Variants in LRRC4C observed in about 807,000 individuals in gnomAD.
LRRC4C encodes leucine rich repeat containing 4C, also known as leucine-rich repeat-containing protein 4C.
LRRC4C carries 5 observed loss-of-function variants against 33.6 expected under a neutral mutation model. The ratio of observed to expected loss-of-function variants is 0.15; its 90% confidence interval spans 0.08 to 0.31. The LOEUF is 0.31. LRRC4C is among the 10% of genes least tolerant of loss of function. The pLI, the probability that LRRC4C is intolerant of heterozygous loss-of-function variation, is 1.00. For missense variants in LRRC4C, 560 were observed against 796.7 expected, an observed-to-expected ratio of 0.70 and a Z score of 3.58; for synonymous variants, 329 against 302.0, an observed-to-expected ratio of 1.09 and a Z score of -0.93.
chr11:41,047,839 C>T (rs1026193332), intron 1 of LRRC4C, among the ~76,000 whole-genome samples: 2 of 152,148 alleles, frequency 1.3e-5, no homozygotes, highest in Admixed American at 6.6e-5. Context: ...TATACTTTCT[C>T]ATGGTGTCCC....
intron 3 of LRRC4C, among the ~76,000 whole-genome samples, chr11:40,624,153 C>T (rs1211751082): frequency 6.6e-6 from 1 of 151,928 alleles, no homozygotes; most frequent in East Asian, 1.9e-4. Flanking sequence ...GTGTGTTCCA[C>T]CCTTGAGCAA....
rs186991485 is a variant in LRRC4C, at chr11:41,381,105, C to T, written c.-496+78326G>A. The stretch of plus-strand genomic sequence containing the variant: ...AAACATCCCTGGGCATATAGAGAAG[C>T]GAGCACATAGGATTTTTGTTTGGAG... On this transcript the variant is annotated intron_variant, in intron 1 of 6. Transcript: ENST00000528697. Among the ~76,000 whole-genome samples the T allele has an allele frequency of 5.9e-5, 9 of 152,150 alleles. No homozygotes were observed. The East Asian group carries it at 9.7e-4, about 16-fold the overall frequency.
At chr11:40,639,508 A>G (rs750960620) in intron 3 of LRRC4C, among the ~76,000 whole-genome samples, 1 of 152,172 alleles carries the variant, frequency 6.6e-6, no homozygotes, top group African/African-American at 2.4e-5. Flanking sequence ...CTACCTTGTT[A>G]TTTTCAAGTA....
chr11:41,003,203 T>C (rs755673389), intron 1 of LRRC4C, among the ~76,000 whole-genome samples: 3 of 152,156 alleles, frequency 2.0e-5, no homozygotes, highest in Non-Finnish European at 2.9e-5. Context: ...AAAAATGTTT[T>C]CTTGATATTT....
chr11:41,206,265 T>C (rs1472646451), intron 1 of LRRC4C, among the ~76,000 whole-genome samples: 1 of 152,178 alleles, frequency 6.6e-6, no homozygotes, highest in Non-Finnish European at 1.5e-5. Flanking sequence ...AGGAGACAGA[T>C]TGAAATGCCA....
chr11:40,907,203 G>A (rs1956461927), intron 2 of LRRC4C, among the ~76,000 whole-genome samples: 2 of 152,222 alleles, frequency 1.3e-5, no homozygotes, highest in African/African-American at 4.8e-5. Context: ...CTGAGATGTA[G>A]AATGTCTTTC....
intron 1 of LRRC4C, among the ~76,000 whole-genome samples, chr11:41,254,155 G>GT (rs1320617693): frequency 1.3e-5 from 2 of 151,970 alleles, no homozygotes; most frequent in African/African-American, 4.8e-5. Context: ...ATTTTATGCA[G>GT]TTGACAGCAA....
chr11:41,103,640 T>C (rs1941330353), intron 1 of LRRC4C, among the ~76,000 whole-genome samples: 1 of 151,898 alleles, frequency 6.6e-6, no homozygotes. Context: ...GCCCAAGGGA[T>C]AGGCAATGCT....
chr11:41,260,137 A>T (rs966019857), intron 1 of LRRC4C, among the ~76,000 whole-genome samples: 12 of 152,154 alleles, frequency 7.9e-5, no homozygotes, highest in Non-Finnish European at 1.3e-4. Flanking sequence ...TTCACATAGT[A>T]GTCTGTCGTC....
chr11:40,966,005 G>T (rs2136932404), intron 1 of LRRC4C, among the ~76,000 whole-genome samples: 1 of 152,150 alleles, frequency 6.6e-6, no homozygotes, highest in South Asian at 2.1e-4. Context: ...CCATGAGCAT[G>T]GAATGTTCTT....
chr11:41,063,585 T>C (rs1466020661), intron 1 of LRRC4C, among the ~76,000 whole-genome samples: 2 of 152,010 alleles, frequency 1.3e-5, no homozygotes, highest in East Asian at 3.9e-4. Context: ...GTGTTTCAAA[T>C]AGAGGGGGCA....
chr11:40,352,803 G>T (rs1947473111), intron 3 of LRRC4C, among the ~76,000 whole-genome samples: 2 of 152,008 alleles, frequency 1.3e-5, no homozygotes, highest in African/African-American at 2.4e-5. Flanking sequence ...GTTTGCCTGA[G>T]AAAATATAGC....
At chr11:40,216,366 C>T (rs146098347) in intron 5 of LRRC4C, among the ~76,000 whole-genome samples, 3 of 152,212 alleles carry the variant, frequency 2.0e-5, no homozygotes, top group East Asian at 1.9e-4. Context: ...AATACTTGTA[C>T]GTAACCAAGA....
intron 1 of LRRC4C, among the ~76,000 whole-genome samples, chr11:41,426,827 C>A (rs142585714): frequency 6.6e-6 from 1 of 152,140 alleles, no homozygotes; most frequent in Non-Finnish European, 1.5e-5. Flanking sequence ...GAACACTCAG[C>A]ATAGCTTGTT....
intron 3 of LRRC4C, among the ~76,000 whole-genome samples, chr11:40,531,870 G>C (rs530182650): frequency 2.6e-5 from 4 of 151,412 alleles, no homozygotes; most frequent in Admixed American, 1.3e-4. Flanking sequence ...TTTGGGCTGA[G>C]ATCATGAAAG....
intron 1 of LRRC4C, among the ~76,000 whole-genome samples, chr11:41,042,572 A>G (rs1039098115): frequency 6.6e-6 from 1 of 152,074 alleles, no homozygotes; most frequent in African/African-American, 2.4e-5. Context: ...CCACCTCCCT[A>G]AAGCTCTCTT....
At chr11:40,926,601 A>G (rs1232023006) in intron 2 of LRRC4C, among the ~76,000 whole-genome samples, 1 of 152,194 alleles carries the variant, frequency 6.6e-6, no homozygotes, top group East Asian at 1.9e-4. Flanking sequence ...TAAAATAGAA[A>G]AGGGTATTCA....
chr11:40,665,364 G>GTA (rs1189493857), intron 2 of LRRC4C, among the ~76,000 whole-genome samples: 1,404 of 24,252 alleles, frequency 0.058, 37 homozygotes, highest in African/African-American at 0.15. Flanking sequence ...ATATATATAT[G>GTA]TATATATATA....
At chr11:40,119,890 C>T (rs1855704114) in intron 6 of LRRC4C, among the ~76,000 whole-genome samples, 1 of 152,160 alleles carries the variant, frequency 6.6e-6, no homozygotes, top group South Asian at 2.1e-4. Flanking sequence ...TTCCCCTGCC[C>T]TAATCACCCC....
Sources: gnomAD v4.1 joint callset for allele counts (sites outside exome capture counted in the v4.1 genomes callset) on GRCh38, gnomAD v4.1.1 for gene constraint, MANE v1.5 for transcripts, NCBI Gene and HGNC (gene_info 2026-07-23, HGNC 2026-07-21) for gene names.